Variants in CSTPP1 observed in about 807,000 individuals in gnomAD.
CSTPP1 encodes the protein UPF0705 protein C11orf49.
chr11:46,970,066 C>T, the CSTPP1 span, among the ~76,000 whole-genome samples: 3 of 152,084 alleles, frequency 2.0e-5, no homozygotes, highest in Non-Finnish European at 2.9e-5. Flanking sequence ...TATATGTATA[C>T]ACACATACAT....
the CSTPP1 span, among the ~76,000 whole-genome samples, chr11:47,025,495 A>AT: frequency 1.3e-5 from 2 of 152,166 alleles, no homozygotes; most frequent in Non-Finnish European, 2.9e-5. Flanking sequence ...TGTATGAAGT[A>AT]TTTTTTTCAA....
chr11:47,131,014 T>G, the CSTPP1 span, among the ~76,000 whole-genome samples: 1 of 152,184 alleles, frequency 6.6e-6, no homozygotes, highest in African/African-American at 2.4e-5. Flanking sequence ...GCTTGTAGCA[T>G]TTCATTATCT....
the CSTPP1 span, chr11:47,157,709 A>T: frequency 9.7e-7 from 1 of 1,033,002 alleles, no homozygotes; most frequent in East Asian, 2.8e-5. Flanking sequence ...CTCCCAAGGC[A>T]GGTCCCTGGC....
chr11:47,027,208 A>G, the CSTPP1 span, among the ~76,000 whole-genome samples: 1 of 152,290 alleles, frequency 6.6e-6, no homozygotes, highest in East Asian at 1.9e-4. Context: ...TGAATTAATC[A>G]TCTTATATCA....
At chr11:47,077,082 T>A in the CSTPP1 span, among the ~76,000 whole-genome samples, 2 of 148,252 alleles carry the variant, frequency 1.3e-5, no homozygotes, top group South Asian at 4.2e-4. Flanking sequence ...AACAGCAACA[T>A]GAGAAGCTTA....
At chr11:46,941,506 A>G in the CSTPP1 span, among the ~76,000 whole-genome samples, 1 of 151,918 alleles carries the variant, frequency 6.6e-6, no homozygotes, top group Non-Finnish European at 1.5e-5. Flanking sequence ...TGCCCAGCTA[A>G]TTTTTGTATT....
At chr11:47,136,523 G>A in the CSTPP1 span, among the ~76,000 whole-genome samples, 1 of 152,174 alleles carries the variant, frequency 6.6e-6, no homozygotes, top group African/African-American at 2.4e-5. Context: ...TGATGAAAAA[G>A]TACTAGGAAC....
chr11:47,027,899 T>C, the CSTPP1 span, among the ~76,000 whole-genome samples: 1 of 151,582 alleles, frequency 6.6e-6, no homozygotes, highest in South Asian at 2.1e-4. Flanking sequence ...ACTTGCAGTG[T>C]GGCACATCTC....
the CSTPP1 span, chr11:47,156,921 G>A: frequency 8.0e-7 from 1 of 1,248,276 alleles, no homozygotes; most frequent in Non-Finnish European, 1.1e-6. Context: ...TGAGGCTGGT[G>A]TGGAACTGGG....
At chr11:47,129,760 G>A in the CSTPP1 span, among the ~76,000 whole-genome samples, 3 of 152,118 alleles carry the variant, frequency 2.0e-5, no homozygotes, top group African/African-American at 7.2e-5. Context: ...TTGAGATCCT[G>A]GTTAGAAATG....
At chr11:47,001,476 G>C in the CSTPP1 span, among the ~76,000 whole-genome samples, 122 of 150,476 alleles carry the variant, frequency 8.1e-4, 2 homozygotes, top group African/African-American at 2.9e-3. Context: ...TTCATCCTTG[G>C]AGAAAAAAAG....
At chr11:47,140,303 A>T in the CSTPP1 span, among the ~76,000 whole-genome samples, 1 of 149,004 alleles carries the variant, frequency 6.7e-6, no homozygotes, top group African/African-American at 2.5e-5. Flanking sequence ...TCTTCACTGA[A>T]AAAAAAAAAG....
At chr11:47,030,016 A>G in the CSTPP1 span, among the ~76,000 whole-genome samples, 5 of 152,114 alleles carry the variant, frequency 3.3e-5, no homozygotes, top group African/African-American at 1.2e-4. Flanking sequence ...AGTCCCAGCT[A>G]CACAGGCGGC....
the CSTPP1 span, chr11:47,157,098 C>T: frequency 8.6e-5 from 138 of 1,614,030 alleles, 1 homozygote; most frequent in South Asian, 3.8e-4. Flanking sequence ...ATTGTGCCGA[C>T]GTCGTCCAGT....
the CSTPP1 span, among the ~76,000 whole-genome samples, chr11:46,975,373 TCAG>T: frequency 1.3e-5 from 2 of 152,166 alleles, no homozygotes; most frequent in African/African-American, 4.8e-5. Context: ...TTTTTTAAGC[TCAG>T]CAGTATTTGC....
chr11:47,101,188 T>TTTTTTTTTTTTTTTTTTTTTTTG, the CSTPP1 span, among the ~76,000 whole-genome samples: 2 of 101,946 alleles, frequency 2.0e-5, 1 homozygote, highest in Non-Finnish European at 3.6e-5. Flanking sequence ...TTTTTTTTTT[T>TTTTTTTTTTTTTTTTTTTTTTTG]TATTTTATTT....
At chr11:47,122,091 A>AAAAATATATATATATATAT in the CSTPP1 span, among the ~76,000 whole-genome samples, 1 of 31,840 alleles carries the variant, frequency 3.1e-5, no homozygotes, top group Non-Finnish European at 6.4e-5. Context: ...AAAAAAAAAA[A>AAAAATATATATATATATAT]ATATATATAT....
At chr11:47,102,334 T>C in the CSTPP1 span, among the ~76,000 whole-genome samples, 1 of 152,110 alleles carries the variant, frequency 6.6e-6, no homozygotes, top group Non-Finnish European at 1.5e-5. Context: ...AGAAGTGTAA[T>C]TGTGTTTGAT....
the CSTPP1 span, among the ~76,000 whole-genome samples, chr11:47,074,966 A>C: frequency 6.6e-6 from 1 of 152,190 alleles, no homozygotes; most frequent in Non-Finnish European, 1.5e-5. Flanking sequence ...TCTATTTTTA[A>C]AGAGTTCACA....
Sources: gnomAD v4.1 joint callset for allele counts (sites outside exome capture counted in the v4.1 genomes callset) on GRCh38, gnomAD v4.1.1 for gene constraint, MANE v1.5 for transcripts, NCBI Gene and HGNC (gene_info 2026-07-23, HGNC 2026-07-21) for gene names.